Variants in PRKAG2 observed in about 807,000 individuals in gnomAD.
PRKAG2 encodes the protein 5'-AMP-activated protein kinase subunit gamma-2.
A neutral mutation model predicts 69.6 loss-of-function variants in PRKAG2; 26 were observed. That is an observed-to-expected ratio of 0.37 (90% confidence interval 0.27 to 0.52). The LOEUF (loss-of-function observed/expected upper bound fraction) is 0.52, where lower values mean the gene tolerates loss of function less well. PRKAG2 is among the 20% of genes least tolerant of loss of function. The probability of loss-of-function intolerance (pLI) is 0.90; values close to 1 mark genes in which losing one functional copy is unlikely to be tolerated. For missense variants in PRKAG2, 557 were observed against 740.0 expected, an observed-to-expected ratio of 0.75 and a Z score of 2.87; for synonymous variants, 293 against 285.0, an observed-to-expected ratio of 1.03 and a Z score of -0.28.
chr7:151,855,089 C>CCACCCTCT (rs2079690686), intron 1 of PRKAG2, among the ~76,000 whole-genome samples: 1 of 57,202 alleles, frequency 1.7e-5, no homozygotes, highest in Non-Finnish European at 3.2e-5. Context: ...CCTCCACACA[C>CCACCCTCT]ACCATCCTCC....
chr7:151,833,582 G>A (rs548597865), intron 1 of PRKAG2, among the ~76,000 whole-genome samples: 1 of 152,172 alleles, frequency 6.6e-6, no homozygotes, highest in Non-Finnish European at 1.5e-5. Flanking sequence ...CGGCTCTTAA[G>A]CCGATGGACG....
At chr7:151,750,687 G>A (rs76563135) in intron 3 of PRKAG2, among the ~76,000 whole-genome samples, 76 of 152,172 alleles carry the variant, frequency 5.0e-4, no homozygotes, top group African/African-American at 1.6e-3. Flanking sequence ...GGTGATGGTC[G>A]CACAACACTG....
chr7:151,838,326 C>G (rs1041580435), intron 1 of PRKAG2, among the ~76,000 whole-genome samples: 4 of 152,022 alleles, frequency 2.6e-5, no homozygotes, highest in Non-Finnish European at 5.9e-5. Flanking sequence ...AGGCTCGGCC[C>G]CACAGCCTTG....
intron 15 of PRKAG2, chr7:151,557,553 T>G (rs1421491871): frequency 5.1e-6 from 5 of 985,232 alleles, no homozygotes; most frequent in Non-Finnish European, 4.8e-6. Context: ...ATTTCAGTTG[T>G]GCACTCTTAC....
intron 3 of PRKAG2, among the ~76,000 whole-genome samples, chr7:151,708,777 C>T (rs1472261502): frequency 6.6e-6 from 1 of 152,226 alleles, no homozygotes; most frequent in Non-Finnish European, 1.5e-5. Context: ...CGGCAGCTGC[C>T]TCTCTGGAGT....
chr7:151,607,386 A>G (rs77443133), intron 5 of PRKAG2, among the ~76,000 whole-genome samples: 2 of 152,008 alleles, frequency 1.3e-5, no homozygotes, highest in Non-Finnish European at 1.5e-5. Flanking sequence ...GGCTCAAGCA[A>G]TCCTAGCAGC....
rs4726093 is a variant in PRKAG2, at chr7:151,780,623, C to T, written c.466+529G>A. ...CACTCACATTTCCTCCTTCCATTTC[C>T]CCAGCAAATCCCTCCTAGCTTCCAT... On this transcript the variant is annotated intron_variant, in intron 3 of 15. Coordinates refer to ENST00000287878, the MANE Select transcript of PRKAG2 (RefSeq NM_016203.4). The surrounding 1 kb of genome is among the most constrained non-coding windows in gnomAD (Gnocchi z 4.2). Among the ~76,000 whole-genome samples, 61,692 of 151,996 alleles carry T rather than the reference C, an allele frequency of 0.41. 13,130 individuals carry two copies. The highest frequency in any genetic ancestry group is 0.54 in the African/African-American group (22,273 of 41,446).
At chr7:151,711,490 T>C (rs1192171229) in intron 3 of PRKAG2, among the ~76,000 whole-genome samples, 1 of 152,212 alleles carries the variant, frequency 6.6e-6, no homozygotes, top group Non-Finnish European at 1.5e-5. Flanking sequence ...GTAACAGTAA[T>C]AGGCATCACA....
At chr7:151,562,550 C>T (rs917062838) in intron 14 of PRKAG2, among the ~76,000 whole-genome samples, 1 of 152,124 alleles carries the variant, frequency 6.6e-6, no homozygotes, top group Non-Finnish European at 1.5e-5. Context: ...TCTAAAAAAG[C>T]TTTCAGGTTC....
At chr7:151,658,684 C>T (rs1829869771) in intron 4 of PRKAG2, among the ~76,000 whole-genome samples, 1 of 152,068 alleles carries the variant, frequency 6.6e-6, no homozygotes, top group South Asian at 2.1e-4. Flanking sequence ...ATAGGCTTAT[C>T]CCAAGCACAT....
chr7:151,737,677 T>C (rs1355395502), intron 3 of PRKAG2, among the ~76,000 whole-genome samples: 2 of 152,108 alleles, frequency 1.3e-5, no homozygotes, highest in Non-Finnish European at 2.9e-5. Context: ...CCTCCCAACT[T>C]GGGTTGGGCT....
chr7:151,734,531 G>C lies in PRKAG2; in HGVS notation c.466+46621C>G, dbSNP rs115511261. On this transcript the variant is annotated intron_variant, in intron 3 of 15. Coordinates refer to ENST00000287878, the MANE Select transcript of PRKAG2 (RefSeq NM_016203.4). ...AGGAATAACCTATGCCATGCAAGCA[G>C]TAACGCTGGCAATGCGCTGACTCTG... Among the ~76,000 whole-genome samples the C allele has an allele frequency of 5.6e-3, 853 of 152,242 alleles. 10 individuals carry two copies. The highest frequency in any genetic ancestry group is 0.019 in the African/African-American group (808 of 41,532).
Position 151,564,099 on chromosome 7 carries a change from C to T in PRKAG2, c.1563G>A (p.Val521=). 1.2e-6 allele frequency: 2 copies of T among 1,614,126 alleles called. No individual in the cohort carries two copies. Among genetic ancestry groups the T allele is most frequent in the Non-Finnish European group, 8.5e-7 (1 of 1,180,032 alleles). The part of the protein sequence containing the change: ...CNKLEILETI[V]DRIVRAEVHR... Reference sequence around the variant, plus strand: ...TCACCTCAGCTCTTACTATTCTGTCCACGATGGTCTCCAGTATTTCCAGCT... The same window carrying T: ...TCACCTCAGCTCTTACTATTCTGTCTACGATGGTCTCCAGTATTTCCAGCT... Residue 521 remains valine, a synonymous_variant, in exon 14 of 16, where the codon GTG becomes GTA. Transcript: ENST00000287878.
At chr7:151,804,030 C>G (rs1299037467) in intron 1 of PRKAG2, among the ~76,000 whole-genome samples, 4 of 152,040 alleles carry the variant, frequency 2.6e-5, no homozygotes, top group Non-Finnish European at 5.9e-5. Flanking sequence ...CCCAGCCATG[C>G]CATGTCCCCA....
chr7:151,693,875 T>C (rs1836134153), intron 3 of PRKAG2, among the ~76,000 whole-genome samples: 1 of 152,220 alleles, frequency 6.6e-6, no homozygotes, highest in South Asian at 2.1e-4. Context: ...GAAATTTCTG[T>C]TCTTTTTTTG....
At chr7:151,651,564 G>A (rs570168596) in intron 4 of PRKAG2, among the ~76,000 whole-genome samples, 9 of 152,176 alleles carry the variant, frequency 5.9e-5, no homozygotes, top group South Asian at 4.1e-4. Flanking sequence ...CTGAGATTGC[G>A]CCACTGCACT....
chr7:151,637,162 G>C (rs891724678), intron 4 of PRKAG2, among the ~76,000 whole-genome samples: 1 of 152,142 alleles, frequency 6.6e-6, no homozygotes, highest in African/African-American at 2.4e-5. Flanking sequence ...AGGGTGCACA[G>C]GATCTCTCTG....
At chr7:151,657,149 G>A (rs71539893) in intron 4 of PRKAG2, among the ~76,000 whole-genome samples, 1,722 of 150,482 alleles carry the variant, frequency 0.011, 17 homozygotes, top group Non-Finnish European at 0.017. Flanking sequence ...AAAAAAAAAG[G>A]GGGGGTGGTT....
chr7:151,591,511 A>G (rs940588164), intron 6 of PRKAG2, among the ~76,000 whole-genome samples: 2 of 152,204 alleles, frequency 1.3e-5, no homozygotes, highest in African/African-American at 2.4e-5. Context: ...CTCACACCCC[A>G]GAACGGCCTG....
Sources: allele counts gnomAD v4.1 joint callset (sites outside exome capture counted in the v4.1 genomes callset), GRCh38; gene constraint gnomAD v4.1.1; non-coding constraint Gnocchi (gnomAD v3.1); transcripts MANE v1.5; gene names NCBI Gene and HGNC (gene_info 2026-07-23, HGNC 2026-07-21).